PHYHIPL: variants seen among roughly 807,000 people sequenced by gnomAD.
PHYHIPL encodes phytanoyl-CoA 2-hydroxylase interacting protein like, also known as phytanoyl-CoA hydroxylase-interacting protein-like.
In PHYHIPL, 9 loss-of-function variants were observed where a neutral mutation model predicts 33.4. The ratio of observed to expected loss-of-function variants is 0.27; its 90% CI spans 0.16 to 0.47. The LOEUF (loss-of-function observed/expected upper bound fraction) is 0.47. PHYHIPL is among the 20% of genes least tolerant of loss of function. The probability of loss-of-function intolerance (pLI) is 0.99; values close to 1 mark genes in which losing one functional copy is unlikely to be tolerated. For missense variants in PHYHIPL, 365 were observed against 460.7 expected, an observed-to-expected ratio of 0.79 and a Z score of 1.90; for synonymous variants, 153 against 154.1, an observed-to-expected ratio of 0.99 and a Z score of 0.05.
At chr10:59,224,963 A>G (rs913070198) in intron 1 of PHYHIPL, among the ~76,000 whole-genome samples, 2 of 152,004 alleles carry the variant, frequency 1.3e-5, no homozygotes, top group Non-Finnish European at 2.9e-5. Flanking sequence ...AAACTGCATA[A>G]GAATAATCTG....
chr10:59,199,000 G>A (rs552605195), intron 1 of PHYHIPL, among the ~76,000 whole-genome samples: 1 of 151,992 alleles, frequency 6.6e-6, no homozygotes, highest in Non-Finnish European at 1.5e-5. Context: ...CTCCCATTCT[G>A]TACGTTGCCT....
At chr10:59,175,265 C>T (rs1295072703), upstream of PHYHIPL, among the ~76,000 whole-genome samples, 3 of 152,202 alleles carry the variant, frequency 2.0e-5, no homozygotes, top group Non-Finnish European at 2.9e-5. Context: ...GAAGACTTTT[C>T]ACTTTAAGAT....
intron 1 of PHYHIPL, chr10:59,177,482 G>A (rs1480502243): frequency 1.2e-5 from 18 of 1,548,468 alleles, no homozygotes; most frequent in Non-Finnish European, 1.5e-5. Context: ...TAGGATGACA[G>A]TTTTTCAGTG....
chr10:59,176,010 C>G (rs1301081858), upstream of PHYHIPL, among the ~76,000 whole-genome samples: 1 of 152,182 alleles, frequency 6.6e-6, no homozygotes, highest in Non-Finnish European at 1.5e-5. Context: ...AAGGAGTTCC[C>G]ACGTTTGCCC....
At chr10:59,234,233 T>C in intron 1 of PHYHIPL, 71 bp from the exon 2 acceptor site, 2 of 1,209,520 alleles carry the variant, frequency 1.7e-6, no homozygotes, top group Non-Finnish European at 1.2e-6. Flanking sequence ...TGGTAATAAA[T>C]CCATTAATTG....
At chr10:59,222,332 A>G (rs954477156) in intron 1 of PHYHIPL, among the ~76,000 whole-genome samples, 4 of 152,094 alleles carry the variant, frequency 2.6e-5, no homozygotes, top group African/African-American at 9.7e-5. Flanking sequence ...TGCTGTAAGT[A>G]TAACTGTAAG....
chr10:59,235,809 C>A (rs1280250473), intron 2 of PHYHIPL, among the ~76,000 whole-genome samples: 1 of 151,862 alleles, frequency 6.6e-6, no homozygotes, highest in Non-Finnish European at 1.5e-5. Flanking sequence ...CTTTACTAAG[C>A]ATTTTTTAGA....
rs775310603 is a variant in PHYHIPL, at chr10:59,236,653, C to G, written c.474C>G (p.Thr158=). The G allele has an allele frequency of 6.3e-7, 1 of 1,595,236 alleles. No homozygotes were observed. Among genetic ancestry groups the G allele is most frequent in the African/African-American group, 1.4e-5 (1 of 73,782 alleles). ...SEWSEIIEFC[T]ADYSKVHLTQ... The stretch of plus-strand genomic sequence containing the variant: ...GGAGTGAAATTATAGAATTCTGCAC[C>G]GCAGGTAAGAGAACTAGGTACAAAT... Residue 158 remains threonine, a synonymous_variant, in exon 3 of 5, where the codon ACC becomes ACG. Transcript: ENST00000373880.
rs989733259 is a variant in PHYHIPL at position 59,247,496 on chromosome 10, A to G, written c.*1905A>G. 3 of 1,260,258 alleles carry G rather than the reference A, an allele frequency of 2.4e-6. No individual in the cohort carries two copies. The South Asian group carries it at 3.8e-5, about 16-fold the overall frequency. 78.1% of individuals were successfully genotyped at this position (1,260,258 alleles called of 1,614,324 possible). A position where few individuals can be genotyped will look rare whatever the true frequency, so the allele number is the denominator to read the frequency against. On this transcript the variant is annotated 3_prime_UTR_variant, in exon 5 of 5. Transcript: ENST00000373880. Reference sequence around the variant, plus strand: ...TGCTATTCCTTCTTAAAAACAGCTAATACTACCACTAAAGTGCTTCCATTT... The same window carrying G: ...TGCTATTCCTTCTTAAAAACAGCTAGTACTACCACTAAAGTGCTTCCATTT...
chr10:59,199,840 T>G (rs2133214842), intron 1 of PHYHIPL, among the ~76,000 whole-genome samples: 1 of 152,318 alleles, frequency 6.6e-6, no homozygotes, highest in East Asian at 1.9e-4. Flanking sequence ...ATTTCACTCA[T>G]GATTTGGCTC....
chr10:59,234,579 T>C, intron 2 of PHYHIPL, 79 bp downstream of exon 2: 1 of 1,014,790 alleles, frequency 9.9e-7, no homozygotes, highest in Non-Finnish European at 1.4e-6. Context: ...GAACGAATAA[T>C]ATTCTATTAA....
At chr10:59,194,339 C>T (rs556984323) in intron 1 of PHYHIPL, among the ~76,000 whole-genome samples, 1 of 152,126 alleles carries the variant, frequency 6.6e-6, no homozygotes, top group Admixed American at 6.5e-5. Flanking sequence ...ATAATAGTTT[C>T]AAGAATGTTT....
intron 4 of PHYHIPL, among the ~76,000 whole-genome samples, chr10:59,241,844 C>CAA (rs1309798659): frequency 2.0e-5 from 3 of 151,876 alleles, no homozygotes; most frequent in Non-Finnish European, 2.9e-5. Context: ...TAATGGGATA[C>CAA]AAAGATATCT....
chr10:59,183,637 T>C, intron 1 of PHYHIPL: 1 of 984,816 alleles, frequency 1.0e-6, no homozygotes, highest in East Asian at 1.1e-4. Context: ...GTTACAAATG[T>C]AACTAAGAGC....
chr10:59,183,802 T>C (rs563011789), intron 1 of PHYHIPL: 1 of 371,034 alleles, frequency 2.7e-6, no homozygotes, highest in South Asian at 1.1e-4. Context: ...TATACACCAT[T>C]TGTTGTAGTG....
At chr10:59,227,376 C>A (rs548144167) in intron 1 of PHYHIPL, among the ~76,000 whole-genome samples, 1 of 151,998 alleles carries the variant, frequency 6.6e-6, no homozygotes, top group African/African-American at 2.4e-5. Context: ...GAAACTAGTC[C>A]GCTTTCTGCT....
intron 1 of PHYHIPL, among the ~76,000 whole-genome samples, chr10:59,204,087 A>G (rs1839214701): frequency 1.3e-5 from 2 of 152,198 alleles, no homozygotes; most frequent in Admixed American, 1.3e-4. Context: ...GATTTAGAAT[A>G]TAAAGGATTT....
At chr10:59,243,042 G>T (rs1216576168) in intron 4 of PHYHIPL, among the ~76,000 whole-genome samples, 2 of 151,330 alleles carry the variant, frequency 1.3e-5, no homozygotes, top group African/African-American at 4.9e-5. Flanking sequence ...TAAACATACA[G>T]ATTCAAGCTG....
At position 59,236,694 on chromosome 10, in the gene PHYHIPL, T is replaced by C. The variant is rs765051376; in HGVS notation, c.478+37T>C. The C allele has an allele frequency of 1.1e-5, 16 of 1,479,328 alleles. No individual in the cohort carries two copies. The South Asian group carries it at 1.8e-4, about 16-fold the overall frequency. The allele number at this position is 1,479,328 out of a possible 1,614,324, so 91.6% of individuals were successfully genotyped here. On this transcript the variant is annotated intron_variant, in intron 3 of 4. Transcript: ENST00000373880. ...AGGTACAAATATAGAAAAGCTTTAG[T>C]TGTTCTGGGAAAGCTAATTATAGAA... is the stretch of plus-strand genomic sequence containing the variant.
Sources: allele counts gnomAD v4.1 joint callset (sites outside exome capture counted in the v4.1 genomes callset), GRCh38; gene constraint gnomAD v4.1.1; transcripts MANE v1.5; gene names NCBI Gene and HGNC (gene_info 2026-07-23, HGNC 2026-07-21).